The following COL5A2 variants were observed in gnomAD, a reference collection of about 807,000 sequenced individuals.
COL5A2 encodes the protein collagen alpha-2(V) chain.
COL5A2 carries 23 observed loss-of-function variants against 208.2 expected under a neutral mutation model. That is an observed-to-expected ratio of 0.11 (90% CI 0.08 to 0.16). COL5A2 has a LOEUF of 0.16. COL5A2 is among the 10% of genes least tolerant of loss of function. COL5A2 has a pLI of 1.00. For synonymous variants in COL5A2, 625 were observed against 628.5 expected (o/e 0.99, Z 0.08); for missense variants, 1,590 against 1,956.4 (o/e 0.81, Z 3.53).
chr2:189,322,247 C>CAAT, the COL5A2 span, among the ~76,000 whole-genome samples: 1 of 152,112 alleles, frequency 6.6e-6, no homozygotes, highest in Non-Finnish European at 1.5e-5. Context: ...AATTGACACC[C>CAAT]TAACATCACA....
intron 1 of COL5A2, among the ~76,000 whole-genome samples, chr2:189,131,968 A>T (rs1232445339): frequency 1.3e-5 from 2 of 152,230 alleles, no homozygotes; most frequent in African/African-American, 4.8e-5. Context: ...TAAAATGTGA[A>T]TACTGAACTT....
At chr2:189,113,944 GT>G (rs1440203973) in intron 1 of COL5A2, among the ~76,000 whole-genome samples, 1 of 152,088 alleles carries the variant, frequency 6.6e-6, no homozygotes, top group Non-Finnish European at 1.5e-5. Flanking sequence ...TCAGTCTTGT[GT>G]TAACACCTAG....
chr2:189,415,790 G>C, the COL5A2 span, among the ~76,000 whole-genome samples: 2 of 152,102 alleles, frequency 1.3e-5, no homozygotes, highest in African/African-American at 4.8e-5. Flanking sequence ...CTCCCAAGTA[G>C]CTAGGGCTAC....
the COL5A2 span, among the ~76,000 whole-genome samples, chr2:189,347,652 T>A: frequency 6.6e-6 from 1 of 152,162 alleles, no homozygotes; most frequent in African/African-American, 2.4e-5. Flanking sequence ...CATGGACTTA[T>A]TTTTAAAAGG....
intron 12 of COL5A2, among the ~76,000 whole-genome samples, chr2:189,081,880 CTTAA>C (rs550749513): frequency 9.3e-4 from 141 of 152,250 alleles, no homozygotes; most frequent in Middle Eastern, 3.4e-3. Context: ...AAGCTAATGA[CTTAA>C]TTATTTACTT....
chr2:189,328,082 T>G, the COL5A2 span, among the ~76,000 whole-genome samples: 1 of 152,200 alleles, frequency 6.6e-6, no homozygotes, highest in Non-Finnish European at 1.5e-5. Context: ...TTCATAGCAA[T>G]GCTCTCAACT....
At chr2:189,291,774 T>A in the COL5A2 span, among the ~76,000 whole-genome samples, 1 of 151,614 alleles carries the variant, frequency 6.6e-6, no homozygotes. Context: ...TCTGCTATTT[T>A]TTCCTGTGGA....
chr2:189,256,724 T>C, the COL5A2 span, among the ~76,000 whole-genome samples: 1 of 152,190 alleles, frequency 6.6e-6, no homozygotes, highest in Non-Finnish European at 1.5e-5. Context: ...CAATCTCAGC[T>C]CTCTGCAACC....
chr2:189,224,325 TC>T (rs199546500), intron 1 of COL5A2, among the ~76,000 whole-genome samples: 4,899 of 152,230 alleles, frequency 0.032, 123 homozygotes, highest in Non-Finnish European at 0.051. Context: ...AACTTACCAT[TC>T]CAATTTAGAG....
At chr2:189,275,222 T>C in the COL5A2 span, among the ~76,000 whole-genome samples, 3 of 152,106 alleles carry the variant, frequency 2.0e-5, no homozygotes, top group Non-Finnish European at 4.4e-5. Flanking sequence ...TTATTAATTA[T>C]ATTGTATGAT....
intron 29 of COL5A2, 33 bp from the exon 30 acceptor site, chr2:189,061,648 T>C (rs765688959): frequency 5.2e-6 from 8 of 1,525,570 alleles, no homozygotes; most frequent in African/African-American, 2.7e-5. Flanking sequence ...ATTGTGAATA[T>C]AACCAGATCT....
rs937696117 is a variant in COL5A2, at chr2:189,198,127, TAGATCTAGG to T, written c.-42+27012_-42+27020del. On this transcript the variant is annotated intron_variant, in intron 1 of 10. Transcript: ENST00000649966. Reference sequence around the variant, plus strand: ...CTTAACCTTTAATATGATACATATTTAGATCTAGGAGTACATTACCCCTACCTGAAGAAG... The same window carrying T: ...CTTAACCTTTAATATGATACATATTTAGTACATTACCCCTACCTGAAGAAG... Among the ~76,000 whole-genome samples the T allele has an allele frequency of 2.4e-4, 36 of 152,322 alleles. 1 individual carries two copies. Among genetic ancestry groups the T allele is most frequent in the African/African-American group, 7.0e-4 (29 of 41,576 alleles).
intron 1 of COL5A2, among the ~76,000 whole-genome samples, chr2:189,215,431 T>TAAA (rs1689267310): frequency 1.3e-5 from 2 of 152,150 alleles, no homozygotes; most frequent in Non-Finnish European, 2.9e-5. Context: ...AAATGTAGCA[T>TAAA]AAAAAATAAA....
At chr2:189,324,393 A>G in the COL5A2 span, among the ~76,000 whole-genome samples, 1 of 152,232 alleles carries the variant, frequency 6.6e-6, no homozygotes, top group East Asian at 1.9e-4. Context: ...ACAGAATGGG[A>G]GAAAATTTTT....
chr2:189,371,756 T>G, the COL5A2 span, among the ~76,000 whole-genome samples: 1 of 152,192 alleles, frequency 6.6e-6, no homozygotes, highest in Non-Finnish European at 1.5e-5. Context: ...TGACTTATAG[T>G]TAGAACTTAT....
intron 1 of COL5A2, among the ~76,000 whole-genome samples, chr2:189,212,029 C>T (rs946764965): frequency 2.0e-5 from 3 of 152,140 alleles, no homozygotes; most frequent in Admixed American, 1.3e-4. Flanking sequence ...ATCCCATAGC[C>T]CACTTTGAGA....
At chr2:189,356,675 G>C in the COL5A2 span, among the ~76,000 whole-genome samples, 7 of 152,120 alleles carry the variant, frequency 4.6e-5, no homozygotes, top group African/African-American at 1.7e-4. Context: ...CATTGGGTTA[G>C]AACATGCTCC....
At chr2:189,298,322 G>A in the COL5A2 span, among the ~76,000 whole-genome samples, 1 of 152,152 alleles carries the variant, frequency 6.6e-6, no homozygotes, top group Non-Finnish European at 1.5e-5. Context: ...TGTGACGGTT[G>A]TATGAGTTAA....
the COL5A2 span, among the ~76,000 whole-genome samples, chr2:189,362,822 T>C: frequency 2.3e-4 from 35 of 152,056 alleles, no homozygotes; most frequent in African/African-American, 8.4e-4. Context: ...AAAAATATTT[T>C]AAGATACCAA....
Sources: allele counts gnomAD v4.1 joint callset (sites outside exome capture counted in the v4.1 genomes callset), GRCh38; gene constraint gnomAD v4.1.1; transcripts MANE v1.5; gene names NCBI Gene and HGNC (gene_info 2026-07-23, HGNC 2026-07-21).